RNF215: variants seen among roughly 807,000 people sequenced by gnomAD.
RNF215 encodes ring finger protein 215.
In RNF215, 41 loss-of-function variants were observed where a neutral mutation model predicts 44.8. That is an observed-to-expected ratio of 0.92 (90% CI 0.71 to 1.19). RNF215 has a LOEUF of 1.19. Among genes scored for constraint, RNF215 ranks in the 50% most tolerant of loss-of-function variants. The pLI, the probability that RNF215 is intolerant of heterozygous loss-of-function variation, is 0.00. For synonymous variants in RNF215, 218 were observed against 230.1 expected (o/e 0.95, Z 0.48); for missense variants, 452 against 496.2 (o/e 0.91, Z 0.85).
rs922349960 is a variant in RNF215, at chr22:30,387,409, G to A, written c.-96C>T. On this transcript the variant is annotated 5_prime_UTR_variant, in exon 1 of 9. Transcript: ENST00000382363. ...AGGCCGCTGCCGGACGGGGCGGGGCGCCGGGAGGGGCGGGGCCGCGGCCGG... is the reference window on the plus strand; with the variant it reads ...AGGCCGCTGCCGGACGGGGCGGGGCACCGGGAGGGGCGGGGCCGCGGCCGG... 4.4e-4 allele frequency: 283 copies of A among 644,542 alleles called. No homozygotes were observed. The highest frequency in any genetic ancestry group is 5.4e-4 in the Non-Finnish European group (278 of 512,550). 39.9% of individuals were successfully genotyped at this position (644,542 alleles called of 1,614,324 possible).
intron 4 of RNF215, 38 bp downstream of exon 4, chr22:30,385,849 ACCAGGGGCTCTCTGTAC>A (rs1176793674): frequency 1.6e-5 from 25 of 1,532,994 alleles, no homozygotes; most frequent in Non-Finnish European, 2.2e-5. Context: ...CCATGGGAGA[ACCAGGGGCTCTCTGTAC>A]CCAGGGTCAG....
chr22:30,386,062 C>A lies in RNF215; in HGVS notation c.501+8G>T, dbSNP rs754103401. ...GCTTGCTTACCCTCACGGCCTGGTC[C>A]GATTTACCTCTCGGACCACGTTGTG... On this transcript the variant is annotated splice_region_variant and intron_variant, in intron 3 of 8. Coordinates refer to ENST00000382363, the MANE Select transcript of RNF215 (RefSeq NM_001017981.2). The A allele has an allele frequency of 3.9e-5, 63 of 1,613,520 alleles. No individual in the cohort carries two copies. Among genetic ancestry groups the A allele is most frequent in the Non-Finnish European group, 4.4e-5 (52 of 1,179,864 alleles).
At chr22:30,381,384 GC>G (rs1023913154) in intron 5 of RNF215, among the ~76,000 whole-genome samples, 3 of 152,112 alleles carry the variant, frequency 2.0e-5, no homozygotes, top group African/African-American at 7.2e-5. Flanking sequence ...GGGGCCCCGG[GC>G]CCCTGGGCAG....
intron 5 of RNF215, among the ~76,000 whole-genome samples, chr22:30,383,957 G>A (rs1173333561): frequency 1.3e-5 from 2 of 152,164 alleles, no homozygotes; most frequent in African/African-American, 4.8e-5. Context: ...AGTGGCAGAA[G>A]GCCTGGGCAT....
rs1440040257 is a variant in RNF215 at position 30,387,271 on chromosome 22, G to A, written c.43C>T (p.Pro15Ser). The part of the protein sequence containing the change: ...ARPALRSPPP[P>S]PPPPPSPLLL... ...AGCGGAGACGGAGGCGGCGGCGGAG[G>A]CGGCGGCGGCGATCTCAGCGCGGGG... The change falls in exon 1 of 9, where the codon CCT (proline) becomes TCT (serine). Residue 15 changes from proline (P) to serine (S), a missense_variant. Transcript: ENST00000382363. 2.9e-6 allele frequency: 3 copies of A among 1,049,424 alleles called. No individual in the cohort carries two copies. The highest frequency in any genetic ancestry group is 2.3e-6 in the Non-Finnish European group (2 of 869,700). 65.0% of individuals were successfully genotyped at this position (1,049,424 alleles called of 1,614,324 possible). A position where few individuals can be genotyped will look rare whatever the true frequency, so the allele number is the denominator to read the frequency against.
chr22:30,382,889 C>T (rs996039250), intron 5 of RNF215, among the ~76,000 whole-genome samples: 4 of 152,008 alleles, frequency 2.6e-5, no homozygotes, highest in African/African-American at 9.7e-5. Context: ...AATGCCTAAG[C>T]TCAGGAGTTC....
In RNF215 at chr22:30,387,341, G is replaced by C. The variant is rs1475014804; in HGVS notation, c.-28C>G. ...CCGGACCCGGCGAGCTGGCCCAACA[G>C]TGGGGCCAGGGGTCCCGGGCGCGGG... On this transcript the variant is annotated 5_prime_UTR_variant, in exon 1 of 9. Transcript: ENST00000382363. The C allele has an allele frequency of 2.9e-6, 3 of 1,051,540 alleles. No individual in the cohort carries two copies. The highest frequency in any genetic ancestry group is 4.4e-5 in the South Asian group (1 of 22,730). The allele number at this position is 1,051,540 out of a possible 1,614,324, so 65.1% of individuals were successfully genotyped here. A position where few individuals can be genotyped will look rare whatever the true frequency, so the allele number is the denominator to read the frequency against.
intron 5 of RNF215, among the ~76,000 whole-genome samples, chr22:30,382,530 C>T (rs757137875): frequency 1.7e-4 from 26 of 152,136 alleles, no homozygotes; most frequent in Non-Finnish European, 3.1e-4. Flanking sequence ...GTGACACTCC[C>T]CTGAGCCCCA....
rs1933475110 is a variant in RNF215 at position 30,378,865 on chromosome 22, C to T, written c.*735G>A. ...CGTTTATTTTACTATTAAACCTTCC[C>T]TACTCCAACTCTTTAAAAAAAAAAA... On this transcript the variant is annotated 3_prime_UTR_variant, in exon 9 of 9. Transcript: ENST00000382363. The T allele has an allele frequency of 6.8e-6, 1 of 146,980 alleles. No individual in the cohort carries two copies. Among genetic ancestry groups the T allele is most frequent in the Non-Finnish European group, 1.5e-5 (1 of 67,114 alleles). The allele number at this position is 146,980 out of a possible 1,614,324, so 9.1% of individuals were successfully genotyped here. A position where few individuals can be genotyped will look rare whatever the true frequency, so the allele number is the denominator to read the frequency against.
chr22:30,381,799 C>CTGT (rs1555991277), intron 5 of RNF215, among the ~76,000 whole-genome samples: 1 of 152,210 alleles, frequency 6.6e-6, no homozygotes, highest in Non-Finnish European at 1.5e-5. Context: ...TGGGAAGTGT[C>CTGT]TGTGAGCCCC....
rs1933519646 is a variant in RNF215, at chr22:30,380,775, C to T, written c.745-374G>A. 6.6e-6 allele frequency among the ~76,000 whole-genome samples: 1 copy of T among 152,168 alleles called. No individual in the cohort carries two copies. The highest frequency in any genetic ancestry group is 1.5e-5 in the Non-Finnish European group (1 of 68,016). ...CTGGGACCTGCTCACTCTCCCACCC[C>T]CATCCTCCTGCACTTCCTCCTGGTC... On this transcript the variant is annotated intron_variant, in intron 5 of 8. Coordinates refer to ENST00000382363, the MANE Select transcript of RNF215 (RefSeq NM_001017981.2). The surrounding 1 kb of genome is among the most constrained non-coding windows in gnomAD (Gnocchi z 5.3).
At chr22:30,386,546 A>T in intron 2 of RNF215, 70 bp downstream of exon 2, 1 of 1,537,576 alleles carries the variant, frequency 6.5e-7, no homozygotes, top group Non-Finnish European at 8.8e-7. Context: ...CCATCTAAGG[A>T]GGGCCTGGCT....
At chr22:30,384,618 T>C (rs1933571424) in intron 4 of RNF215, 123 bp from the exon 5 acceptor site, 2 of 825,988 alleles carry the variant, frequency 2.4e-6, no homozygotes, top group Non-Finnish European at 3.7e-6. Context: ...CCTTACACTT[T>C]GCCCCAGGCC....
In RNF215 at chr22:30,386,717, A is replaced by T; in HGVS notation, c.328T>A (p.Trp110Arg). The T allele has an allele frequency of 6.2e-7, 1 of 1,610,598 alleles. No homozygotes were observed. The highest frequency in any genetic ancestry group is 8.5e-7 in the Non-Finnish European group (1 of 1,179,946). The change falls in exon 2 of 9, where the codon TGG (tryptophan) becomes AGG (arginine). Residue 110 changes from tryptophan to arginine, a missense_variant. Transcript: ENST00000382363. ...DAEQEAPVEG[W>R]IAVAYVGKEQ... is the part of the protein sequence containing the mutation. Reference sequence around the variant, plus strand: ...TTGCCCACGTATGCCACTGCAATCCAGCCTTCCACTGGTGCCTCCTGCTCG... The same window carrying T: ...TTGCCCACGTATGCCACTGCAATCCTGCCTTCCACTGGTGCCTCCTGCTCG...
chr22:30,379,411 TCA>T lies in RNF215; in HGVS notation c.*187_*188del, dbSNP rs1933487159. 2 of 665,234 alleles carry T rather than the reference TCA, an allele frequency of 3.0e-6. No individual in the cohort carries two copies. The highest frequency in any genetic ancestry group is 3.8e-5 in the South Asian group (2 of 52,310). 41.2% of individuals were successfully genotyped at this position (665,234 alleles called of 1,614,324 possible). On this transcript the variant is annotated 3_prime_UTR_variant, in exon 9 of 9. Coordinates refer to ENST00000382363, the MANE Select transcript of RNF215 (RefSeq NM_001017981.2). ...ACTGACAGGTCCCAGCCCTAGATCC[TCA>T]GTCTGAAGCTGTGGGGCCCTCCTTC...
At chr22:30,383,558 A>G (rs1273602584) in intron 5 of RNF215, among the ~76,000 whole-genome samples, 1 of 152,184 alleles carries the variant, frequency 6.6e-6, no homozygotes, top group Non-Finnish European at 1.5e-5. Flanking sequence ...ACGGTGGCCA[A>G]CACCTGCTGG....
chr22:30,386,967 G>T, intron 1 of RNF215, 62 bp downstream of exon 1: 4 of 1,520,508 alleles, frequency 2.6e-6, no homozygotes, highest in East Asian at 2.5e-5. Context: ...AGGGTGCGGG[G>T]TCTCTAGGGA....
intron 4 of RNF215, among the ~76,000 whole-genome samples, 181 bp downstream of exon 4, chr22:30,385,723 T>G (rs1933588346): frequency 6.7e-6 from 1 of 150,138 alleles, no homozygotes; most frequent in Admixed American, 6.6e-5. Flanking sequence ...AGGCAGAGGT[T>G]CCAGTGAGCC....
At chr22:30,381,258 G>A (rs1180675323) in intron 5 of RNF215, among the ~76,000 whole-genome samples, 3 of 152,146 alleles carry the variant, frequency 2.0e-5, no homozygotes, top group African/African-American at 7.2e-5. Flanking sequence ...CGCTCCCATC[G>A]GTGGGAGGTA....
Sources: gnomAD v4.1 joint callset for allele counts (sites outside exome capture counted in the v4.1 genomes callset) on GRCh38, gnomAD v4.1.1 for gene constraint, Gnocchi (gnomAD v3.1) non-coding constraint, MANE v1.5 for transcripts, NCBI Gene and HGNC (gene_info 2026-07-23, HGNC 2026-07-21) for gene names.